The following ADGRV1 variants were observed in gnomAD, a reference collection of about 807,000 sequenced individuals.
ADGRV1 encodes G-protein coupled receptor 98.
ADGRV1 carries 359 observed loss-of-function variants against 596.2 expected under a neutral mutation model. The ratio of observed to expected loss-of-function variants is 0.60; its 90% CI spans 0.55 to 0.66. The LOEUF is 0.66. Among genes scored for constraint, ADGRV1 ranks in the 30% least tolerant of loss-of-function variants. The pLI, the probability that ADGRV1 is intolerant of heterozygous loss-of-function variation, is 0.00. For missense variants in ADGRV1, 7,274 were observed against 7,575.6 expected, an observed-to-expected ratio of 0.96 and a Z score of 1.48; for synonymous variants, 2,681 against 2,679.2, an observed-to-expected ratio of 1.00 and a Z score of -0.02.
At position 90,643,050 on chromosome 5, in the gene ADGRV1, T is replaced by C; in HGVS notation, c.2553+9T>C. On this transcript the variant is annotated intron_variant, in intron 13 of 89. Transcript: ENST00000405460. ...TGGATGGGATACCAGAGGTATGGGA[T>C]TTTATATTTTCTTTGTGTTTCTCTG... is the stretch of plus-strand genomic sequence containing the variant. 1 of 1,605,008 alleles carries C rather than the reference T, an allele frequency of 6.2e-7. No homozygotes were observed. Among genetic ancestry groups the C allele is most frequent in the Non-Finnish European group, 8.5e-7 (1 of 1,172,410 alleles).
chr5:91,057,611 A>G (rs1787002987), intron 85 of ADGRV1, among the ~76,000 whole-genome samples: 1 of 152,252 alleles, frequency 6.6e-6, no homozygotes. Flanking sequence ...TGTTGAAACT[A>G]CAAGACTTGA....
intron 83 of ADGRV1, among the ~76,000 whole-genome samples, chr5:90,922,871 G>A (rs560973791): frequency 6.6e-6 from 1 of 152,146 alleles, no homozygotes; most frequent in Non-Finnish European, 1.5e-5. Context: ...TTGATGCATG[G>A]TCTCCTGTAG....
chr5:90,950,896 T>A (rs1453688230), intron 83 of ADGRV1, among the ~76,000 whole-genome samples: 1 of 148,764 alleles, frequency 6.7e-6, no homozygotes, highest in African/African-American at 2.4e-5. Context: ...TCTTTCTTCC[T>A]ATGGATGATA....
At chr5:91,067,470 G>A (rs928916300) in intron 85 of ADGRV1, among the ~76,000 whole-genome samples, 1 of 152,064 alleles carries the variant, frequency 6.6e-6, no homozygotes, top group Admixed American at 6.6e-5. Context: ...GATCATTAGC[G>A]CTTAGAGAGT....
At chr5:90,939,638 T>C (rs1037412255) in intron 83 of ADGRV1, among the ~76,000 whole-genome samples, 2 of 152,198 alleles carry the variant, frequency 1.3e-5, no homozygotes, top group African/African-American at 4.8e-5. Context: ...TCTCTCTTCA[T>C]CTGGGAATAA....
chr5:90,616,295 C>T lies in ADGRV1; in HGVS notation c.207+1276C>T, dbSNP rs561854649. On this transcript the variant is annotated intron_variant, in intron 2 of 89. Transcript: ENST00000405460. ...TTCGTGAAAGAGATCTCATTTTGAT[C>T]GCACAAGCTCATGCAGAATCTTACT... is the stretch of plus-strand genomic sequence containing the variant. Among the ~76,000 whole-genome samples the T allele has an allele frequency of 5.9e-5, 9 of 152,040 alleles. No homozygotes were observed. In the East Asian group the frequency reaches 7.7e-4, roughly 13 times the overall value.
chr5:91,157,358 T>G (rs1796557827), intron 89 of ADGRV1, among the ~76,000 whole-genome samples: 1 of 152,216 alleles, frequency 6.6e-6, no homozygotes, highest in South Asian at 2.1e-4. Flanking sequence ...AAAATAAAAC[T>G]TTTACATTAT....
chr5:91,080,756 A>G (rs1002393602), intron 86 of ADGRV1, among the ~76,000 whole-genome samples: 3 of 152,140 alleles, frequency 2.0e-5, no homozygotes, highest in African/African-American at 4.8e-5. Flanking sequence ...TAATAACACT[A>G]TTTAATTTCG....
chr5:90,900,564 AAAAC>A (rs1487107836), intron 83 of ADGRV1, among the ~76,000 whole-genome samples: 3 of 152,138 alleles, frequency 2.0e-5, no homozygotes, highest in Non-Finnish European at 2.9e-5. Flanking sequence ...AGTTTCAACA[AAAAC>A]AGATTTCAAG....
In ADGRV1 at chr5:91,096,725, A is replaced by G. The variant is rs141274946; in HGVS notation, c.18311-5494A>G. On this transcript the variant is annotated intron_variant, in intron 86 of 89. Transcript: ENST00000405460. ...TAATTGTAGTAAAATATACATAACA[A>G]AATTTAGCATCTTAAACCATTTTAA... Among the ~76,000 whole-genome samples the G allele has an allele frequency of 5.5e-3, 836 of 152,288 alleles. 7 individuals are homozygous for G. The highest frequency in any genetic ancestry group is 0.016 in the African/African-American group (668 of 41,564).
chr5:90,744,412 AG>A (rs1452397899), intron 50 of ADGRV1, among the ~76,000 whole-genome samples: 1 of 152,232 alleles, frequency 6.6e-6, no homozygotes, highest in Non-Finnish European at 1.5e-5. Flanking sequence ...TATCAAGTGA[AG>A]ATAATTAACA....
At chr5:90,777,821 A>G (rs1758406263) in intron 61 of ADGRV1, 84 bp from the exon 62 acceptor site, 2 of 1,208,904 alleles carry the variant, frequency 1.7e-6, no homozygotes, top group Non-Finnish European at 2.3e-6. Flanking sequence ...ATGAAAATTG[A>G]TTACTGTTAA....
intron 45 of ADGRV1, among the ~76,000 whole-genome samples, chr5:90,722,179 C>T (rs1751130233): frequency 6.6e-6 from 1 of 151,788 alleles, no homozygotes; most frequent in South Asian, 2.1e-4. Context: ...TACAGGGAGG[C>T]AAGATGGTGG....
chr5:90,570,765 GTT>G (rs573716673), intron 1 of ADGRV1, among the ~76,000 whole-genome samples: 34 of 139,248 alleles, frequency 2.4e-4, no homozygotes, highest in African/African-American at 8.2e-4. Context: ...CCAGATTTCT[GTT>G]TTTTTTTTTT....
At position 90,888,203 on chromosome 5, in the gene ADGRV1, G is replaced by A. The variant is rs553617838; in HGVS notation, c.17856+24346G>A. Among the ~76,000 whole-genome samples the A allele has an allele frequency of 4.6e-5, 7 of 152,258 alleles. No individual in the cohort carries two copies. The South Asian group carries it at 1.5e-3, about 32-fold the overall frequency. ...TTATGTTGACTAGTGGAACAGAGTA[G>A]CATTAAATAATGTTTTCCCTCTAGA... On this transcript the variant is annotated intron_variant, in intron 83 of 89. Transcript: ENST00000405460.
At chr5:90,917,698 G>A (rs1773506306) in intron 83 of ADGRV1, among the ~76,000 whole-genome samples, 3 of 152,154 alleles carry the variant, frequency 2.0e-5, no homozygotes, top group African/African-American at 7.2e-5. Context: ...GTCTCATTTT[G>A]TATTGTTTAT....
At chr5:90,635,030 T>TTTC in intron 9 of ADGRV1, 84 bp from the exon 10 acceptor site, 1 of 804,322 alleles carries the variant, frequency 1.2e-6, no homozygotes, top group Non-Finnish European at 2.0e-6. Flanking sequence ...CTACGCTTAC[T>TTTC]TTGTCACCCC....
intron 67 of ADGRV1, among the ~76,000 whole-genome samples, chr5:90,786,242 G>A (rs1255623496): frequency 6.9e-6 from 1 of 145,322 alleles, no homozygotes; most frequent in East Asian, 2.0e-4. Context: ...ATACACTGGG[G>A]CCTATTGGGG....
chr5:90,922,688 C>T (rs1369832834), intron 83 of ADGRV1, among the ~76,000 whole-genome samples: 1 of 152,308 alleles, frequency 6.6e-6, no homozygotes, highest in Non-Finnish European at 1.5e-5. Flanking sequence ...AGAATGTGGT[C>T]TGCAGACCAG....
Sources: allele counts gnomAD v4.1 joint callset (sites outside exome capture counted in the v4.1 genomes callset), GRCh38; gene constraint gnomAD v4.1.1; transcripts MANE v1.5; gene names NCBI Gene and HGNC (gene_info 2026-07-23, HGNC 2026-07-21).